DLG2: variants seen among roughly 807,000 people sequenced by gnomAD.
DLG2 encodes discs large MAGUK scaffold protein 2.
DLG2 carries 45 observed loss-of-function variants against 132.5 expected under a neutral mutation model. The ratio of observed to expected loss-of-function variants is 0.34; its 90% confidence interval spans 0.27 to 0.44. The LOEUF is 0.44. Among genes scored for constraint, DLG2 ranks in the 20% least tolerant of loss-of-function variants. The pLI is 1.00. For synonymous variants in DLG2, 424 were observed against 419.6 expected, an observed-to-expected ratio of 1.01 and a Z score of -0.13; for missense variants, 1,045 against 1,196.9, an observed-to-expected ratio of 0.87 and a Z score of 1.87.
At chr11:84,834,018 G>A (rs1779924838) in intron 6 of DLG2, among the ~76,000 whole-genome samples, 1 of 151,588 alleles carries the variant, frequency 6.6e-6, no homozygotes, top group Non-Finnish European at 1.5e-5. Flanking sequence ...ACAAGTTTAA[G>A]GGCATTTCCT....
chr11:83,786,539 G>A (rs1441212003), intron 18 of DLG2, 151 bp downstream of exon 18: 27 of 619,726 alleles, frequency 4.4e-5, no homozygotes, highest in Admixed American at 3.5e-4. Context: ...CACGGTTCAC[G>A]TTCTTTGGAC....
At chr11:83,522,320 G>C (rs2095501808) in intron 21 of DLG2, among the ~76,000 whole-genome samples, 3 of 69,434 alleles carry the variant, frequency 4.3e-5, no homozygotes, top group African/African-American at 1.8e-4. Flanking sequence ...GTATATGTAT[G>C]TGTGTGGTGT....
chr11:84,105,265 C>CGG (rs1217143583), intron 9 of DLG2, among the ~76,000 whole-genome samples: 4 of 152,078 alleles, frequency 2.6e-5, no homozygotes, highest in Admixed American at 2.0e-4. Flanking sequence ...GTCGTTTTAA[C>CGG]CTGGGTTTGC....
chr11:84,825,057 TTCA>T (rs2078169011), intron 6 of DLG2, among the ~76,000 whole-genome samples: 1 of 151,848 alleles, frequency 6.6e-6, no homozygotes, highest in Admixed American at 6.6e-5. Flanking sequence ...ATTAACTCAC[TTCA>T]TCACCTATTT....
chr11:83,748,271 A>C (rs1477010903), intron 18 of DLG2, among the ~76,000 whole-genome samples: 1 of 152,210 alleles, frequency 6.6e-6, no homozygotes, highest in Non-Finnish European at 1.5e-5. Flanking sequence ...TCTAACTATC[A>C]ACCACACCTT....
chr11:84,065,222 A>C (rs1319865721), intron 10 of DLG2, among the ~76,000 whole-genome samples: 3 of 152,202 alleles, frequency 2.0e-5, no homozygotes, highest in Non-Finnish European at 2.9e-5. Flanking sequence ...GACAAATGGG[A>C]CCTAATCAAA....
At chr11:85,445,237 G>A (rs1307697619) in intron 3 of DLG2, among the ~76,000 whole-genome samples, 1 of 152,128 alleles carries the variant, frequency 6.6e-6, no homozygotes, top group Non-Finnish European at 1.5e-5. Flanking sequence ...TTGGATGGTG[G>A]GGAGAAACAA....
chr11:84,052,354 AAT>A (rs1157795909), intron 11 of DLG2, among the ~76,000 whole-genome samples: 1 of 151,956 alleles, frequency 6.6e-6, no homozygotes, highest in Non-Finnish European at 1.5e-5. Context: ...GGAATCGCTA[AAT>A]ATTAAAAGCT....
intron 6 of DLG2, among the ~76,000 whole-genome samples, chr11:84,853,717 T>G (rs546402079): frequency 3.3e-5 from 5 of 152,112 alleles, no homozygotes; most frequent in Admixed American, 3.3e-4. Flanking sequence ...TGAAAACCCC[T>G]AGTCTTCCTT....
At chr11:84,595,627 C>A (rs961123857) in intron 6 of DLG2, among the ~76,000 whole-genome samples, 1 of 152,166 alleles carries the variant, frequency 6.6e-6, no homozygotes, top group Non-Finnish European at 1.5e-5. Context: ...AAAACACAAT[C>A]TTGCTCTCAA....
At chr11:85,107,660 G>A (rs2071992231) in intron 6 of DLG2, among the ~76,000 whole-genome samples, 1 of 151,868 alleles carries the variant, frequency 6.6e-6, no homozygotes, top group African/African-American at 2.4e-5. Context: ...TAGCTACTGT[G>A]TTCATATTCA....
intron 21 of DLG2, among the ~76,000 whole-genome samples, chr11:83,486,881 A>G (rs2093548934): frequency 1.3e-5 from 2 of 152,134 alleles, no homozygotes; most frequent in Non-Finnish European, 2.9e-5. Context: ...CATTTCAACT[A>G]TAAGAGAGAC....
chr11:83,936,193 T>C (rs958369503), intron 14 of DLG2, among the ~76,000 whole-genome samples: 1 of 152,152 alleles, frequency 6.6e-6, no homozygotes, highest in East Asian at 1.9e-4. Flanking sequence ...TACAAGAGGG[T>C]TGAACCAAGG....
chr11:85,024,053 CT>C (rs1344291182), intron 6 of DLG2, among the ~76,000 whole-genome samples: 4 of 152,068 alleles, frequency 2.6e-5, no homozygotes, highest in Admixed American at 2.6e-4. Context: ...TATATATACA[CT>C]GTTCTAAGAT....
intron 5 of DLG2, among the ~76,000 whole-genome samples, chr11:85,142,320 T>C (rs1350918953): frequency 1.3e-5 from 2 of 151,884 alleles, no homozygotes; most frequent in East Asian, 3.8e-4. Context: ...TTTGTAGTTA[T>C]TGTAAATGGG....
chr11:84,916,243 G>A (rs1311559236), intron 6 of DLG2, among the ~76,000 whole-genome samples: 1 of 149,318 alleles, frequency 6.7e-6, no homozygotes, highest in East Asian at 2.0e-4. Flanking sequence ...CAGCTACTTG[G>A]GAGGCTGAGG....
intron 19 of DLG2, among the ~76,000 whole-genome samples, chr11:83,625,372 C>T (rs1444514991): frequency 6.6e-6 from 1 of 152,226 alleles, no homozygotes; most frequent in Non-Finnish European, 1.5e-5. Flanking sequence ...TCTTCTTTAT[C>T]ATCCCCAGGA....
intron 7 of DLG2, among the ~76,000 whole-genome samples, chr11:84,292,171 G>T (rs540306094): frequency 5.2e-4 from 79 of 152,320 alleles, no homozygotes; most frequent in Middle Eastern, 3.4e-3. Context: ...ACTGAAGCTG[G>T]ATTTGCAGAG....
At chr11:83,763,966 C>G (rs891522407) in intron 18 of DLG2, among the ~76,000 whole-genome samples, 1 of 152,130 alleles carries the variant, frequency 6.6e-6, no homozygotes, top group African/African-American at 2.4e-5. Flanking sequence ...GTCATTGCAC[C>G]TAATTTAGAC....
Sources: gnomAD v4.1 joint callset for allele counts (sites outside exome capture counted in the v4.1 genomes callset) on GRCh38, gnomAD v4.1.1 for gene constraint, MANE v1.5 for transcripts, NCBI Gene and HGNC (gene_info 2026-07-23, HGNC 2026-07-21) for gene names.